The following SETX variants were observed in gnomAD, a reference collection of about 807,000 sequenced individuals.
The protein encoded by SETX is senataxin, also known as helicase senataxin.
In SETX, 90 loss-of-function variants were observed where a neutral mutation model predicts 227.2. The observed-to-expected ratio is 0.40, with a 90% CI of 0.33 to 0.47. The LOEUF (loss-of-function observed/expected upper bound fraction) is 0.47, where lower values mean the gene tolerates loss of function less well. SETX is among the 20% of genes least tolerant of loss of function. The pLI, the probability that SETX is intolerant of heterozygous loss-of-function variation, is 0.91. For synonymous variants in SETX, 1,210 were observed against 1,113.2 expected (o/e 1.09, Z -1.73); for missense variants, 3,052 against 3,181.5 (o/e 0.96, Z 0.98).
chr9:132,266,836 A>G (rs959137761), intron 25 of SETX, among the ~76,000 whole-genome samples: 27 of 152,224 alleles, frequency 1.8e-4, no homozygotes, highest in African/African-American at 6.3e-4. Context: ...TCCTGGAGAC[A>G]ATGGTGTAAC....
At chr9:132,300,525 T>C in intron 12 of SETX, 105 bp downstream of exon 12, 1 of 1,287,034 alleles carries the variant, frequency 7.8e-7, no homozygotes, top group South Asian at 1.2e-5. Flanking sequence ...CAAAAACATG[T>C]TCGGTAAATG....
intron 1 of SETX, among the ~76,000 whole-genome samples, chr9:132,354,495 C>CAAAAAAA (rs11316762): frequency 2.3e-5 from 2 of 85,494 alleles, no homozygotes; most frequent in Non-Finnish European, 4.7e-5. Flanking sequence ...GACCCCGTCT[C>CAAAAAAA]AAAAAAAAAA....
chr9:132,289,958 CAGCACTTTGGGAGA>C (rs1230666917), intron 15 of SETX, among the ~76,000 whole-genome samples: 2 of 152,114 alleles, frequency 1.3e-5, no homozygotes, highest in African/African-American at 4.8e-5. Flanking sequence ...CCTATAATCC[CAGCACTTTGGGAGA>C]TATAAGTGGG....
chr9:132,355,926 G>A (rs1253731624), upstream of SETX, among the ~76,000 whole-genome samples: 1 of 147,942 alleles, frequency 6.8e-6, no homozygotes. Flanking sequence ...GGCAGAGGTT[G>A]CAGTGAGCCG....
In SETX at chr9:132,264,300, C is replaced by G; in HGVS notation, c.7973G>C (p.Arg2658Thr). 6.2e-7 allele frequency: 1 copy of G among 1,614,200 alleles called. No homozygotes were observed. The highest frequency in any genetic ancestry group is 8.5e-7 in the Non-Finnish European group (1 of 1,180,030). The change falls in exon 26 of 26, where the codon AGG becomes ACG. Residue 2658 changes from arginine to threonine, a missense_variant. By Grantham distance (71) the Arg-to-Thr change is moderately conservative. Transcript: ENST00000224140. ...SETHHTRRNS[R>T]WDKRTLEQED... ...CTGCTCCAGTGTCCTCTTGTCCCAC[C>G]TAGAGTTCCTCCTGGTGTGATGGGT... is the stretch of plus-strand genomic sequence containing the variant.
intron 1 of SETX, among the ~76,000 whole-genome samples, chr9:132,354,712 G>A (rs1410362438): frequency 1.3e-5 from 2 of 152,006 alleles, no homozygotes; most frequent in South Asian, 2.1e-4. Context: ...CCAGCGCGCA[G>A]GAAGGCAACA....
At chr9:132,272,308 C>T (rs1842941812) in intron 23 of SETX, among the ~76,000 whole-genome samples, 1 of 152,058 alleles carries the variant, frequency 6.6e-6, no homozygotes, top group African/African-American at 2.4e-5. Context: ...CATGGACCAC[C>T]ACCCTAATTT....
intron 15 of SETX, among the ~76,000 whole-genome samples, chr9:132,294,130 G>A (rs1303561041): frequency 6.6e-6 from 1 of 152,176 alleles, no homozygotes; most frequent in African/African-American, 2.4e-5. Context: ...AGCAGCTTAA[G>A]CTCACGCCAC....
At chr9:132,336,922 T>A (rs1847659108) in intron 5 of SETX, among the ~76,000 whole-genome samples, 1 of 152,088 alleles carries the variant, frequency 6.6e-6, no homozygotes, top group African/African-American at 2.4e-5. Flanking sequence ...AAAAATTAGC[T>A]GGACTTGGTG....
chr9:132,329,011 A>G lies in SETX; in HGVS notation c.2587T>C (p.Leu863=), dbSNP rs977005271. 6.2e-7 allele frequency: 1 copy of G among 1,607,306 alleles called. No homozygotes were observed. The highest frequency in any genetic ancestry group is 8.5e-7 in the Non-Finnish European group (1 of 1,177,504). Residue 863 remains leucine, a synonymous_variant, in exon 10 of 26, where the codon TTG becomes CTG. Transcript: ENST00000224140. ...NGEQKSQNNV[L]PKEKQLKNEE... The stretch of plus-strand genomic sequence containing the variant: ...TTCTTTAATTGTTTCTCTTTTGGCA[A>G]TACATTGTTTTGAGATTTTTGTTCT...
chr9:132,288,403 TCA>T (rs1564492221), intron 16 of SETX, 52 bp from the exon 17 acceptor site: 1 of 1,470,018 alleles, frequency 6.8e-7, no homozygotes, highest in East Asian at 2.4e-5. Flanking sequence ...TCTAACAAAC[TCA>T]CACACATATA....
In SETX at chr9:132,329,653, G is replaced by A. The variant is rs1847094251; in HGVS notation, c.1945C>T (p.Pro649Ser). The A allele has an allele frequency of 6.2e-7, 1 of 1,613,562 alleles. No individual in the cohort carries two copies. Among genetic ancestry groups the A allele is most frequent in the African/African-American group, 1.3e-5 (1 of 74,862 alleles). ...EASSPTFSKE[P>S]MKVQDSVLIK... Reference sequence around the variant, plus strand: ...AATACACTGTCTTGCACTTTCATTGGTTCTTTAGAAAATGTTGGGCTGGAA... The same window carrying A: ...AATACACTGTCTTGCACTTTCATTGATTCTTTAGAAAATGTTGGGCTGGAA... Residue 649 changes from proline (P) to serine (S), a missense_variant, in exon 10 of 26, where the codon CCA (proline) becomes TCA (serine). Physicochemically the swap from Pro to Ser is moderately conservative, Grantham distance 74 (BLOSUM62 -1). Transcript: ENST00000224140.
At chr9:132,340,171 C>A (rs185352817) in intron 5 of SETX, among the ~76,000 whole-genome samples, 40 of 152,230 alleles carry the variant, frequency 2.6e-4, no homozygotes, top group African/African-American at 9.1e-4. Context: ...TTCAATGTTA[C>A]AACAACTTGG....
rs756770572 is a variant in SETX, at chr9:132,326,527, G to T, written c.5071C>A (p.Leu1691Ile). ...TCAGAGACAGACTGTGATGACAAAA[G>T]AATGTTTACTGGAGAGGAAGATGGA... is the stretch of plus-strand genomic sequence containing the variant. ...YFPSSSPVNI[L>I]LSSQSVSDTF... Residue 1691 changes from leucine to isoleucine, a missense_variant, in exon 10 of 26, where the codon CTT becomes ATT. Transcript: ENST00000224140. The T allele has an allele frequency of 1.9e-5, 31 of 1,614,038 alleles. No individual in the cohort carries two copies. The highest frequency in any genetic ancestry group is 2.5e-5 in the Non-Finnish European group (30 of 1,180,038).
intron 3 of SETX, among the ~76,000 whole-genome samples, chr9:132,348,356 C>CT (rs1423243588): frequency 1.0e-5 from 1 of 96,264 alleles, no homozygotes; most frequent in Non-Finnish European, 2.0e-5. Context: ...GAGTGAGACT[C>CT]TGTCTCAAAA....
At chr9:132,316,994 A>C (rs537086952) in intron 10 of SETX, among the ~76,000 whole-genome samples, 80 of 152,360 alleles carry the variant, frequency 5.3e-4, no homozygotes, top group African/African-American at 1.9e-3. Context: ...TTTTAACTTG[A>C]ACTACATCAA....
chr9:132,302,977 T>A (rs2131317514), intron 11 of SETX, among the ~76,000 whole-genome samples: 1 of 152,296 alleles, frequency 6.6e-6, no homozygotes, highest in South Asian at 2.1e-4. Context: ...ACATTTTTTT[T>A]AACAAGTAAC....
In SETX at chr9:132,290,837, T is replaced by C. The variant is rs570524638; in HGVS notation, c.6107-2186A>G. On this transcript the variant is annotated intron_variant, in intron 15 of 25. Transcript: ENST00000224140. ...CTTGAGCAGGGGAGGCAAGACCAGT[T>C]TCATAAATAAATAAATAAATAAATA... Among the ~76,000 whole-genome samples the C allele has an allele frequency of 8.4e-3, 1,229 of 145,964 alleles. 20 individuals are homozygous for C. The highest frequency in any genetic ancestry group is 0.031 in the African/African-American group (1,151 of 37,472).
intron 25 of SETX, among the ~76,000 whole-genome samples, chr9:132,265,195 AC>A (rs1240778171): frequency 1.3e-5 from 2 of 151,732 alleles, no homozygotes; most frequent in Non-Finnish European, 2.9e-5. Flanking sequence ...AGACCTGGTC[AC>A]AACCTATAAT....
Sources: allele counts gnomAD v4.1 joint callset (sites outside exome capture counted in the v4.1 genomes callset), GRCh38; gene constraint gnomAD v4.1.1; transcripts MANE v1.5; gene names NCBI Gene and HGNC (gene_info 2026-07-23, HGNC 2026-07-21).